Variants in SLC24A2 observed in about 807,000 individuals in gnomAD.
SLC24A2 encodes the protein sodium/potassium/calcium exchanger 2.
In SLC24A2, 36 loss-of-function variants were observed where a neutral mutation model predicts 62.0. That is an observed-to-expected ratio of 0.58 (90% confidence interval 0.44 to 0.77). The LOEUF (loss-of-function observed/expected upper bound fraction) is 0.77. Among genes scored for constraint, SLC24A2 ranks in the 30% least tolerant of loss-of-function variants. The pLI, the probability that SLC24A2 is intolerant of heterozygous loss-of-function variation, is 0.00. For missense variants in SLC24A2, 846 were observed against 817.9 expected, an observed-to-expected ratio of 1.03 and a Z score of -0.42; for synonymous variants, 358 against 294.0, an observed-to-expected ratio of 1.22 and a Z score of -2.23.
the SLC24A2 span, among the ~76,000 whole-genome samples, chr9:20,068,531 A>C: frequency 6.6e-6 from 1 of 152,116 alleles, no homozygotes; most frequent in Non-Finnish European, 1.5e-5. Context: ...GCCTTAAACA[A>C]AACTCTAAAA....
chr9:19,764,841 C>T (rs1307191984), intron 2 of SLC24A2, among the ~76,000 whole-genome samples: 2 of 152,070 alleles, frequency 1.3e-5, no homozygotes, highest in East Asian at 3.9e-4. Context: ...GAGATCAAGT[C>T]CTGAATATCT....
At chr9:20,264,201 C>T in the SLC24A2 span, among the ~76,000 whole-genome samples, 1 of 152,152 alleles carries the variant, frequency 6.6e-6, no homozygotes, top group East Asian at 1.9e-4. Context: ...AATGTCAGTT[C>T]TGACACAACC....
At chr9:19,616,509 A>C (rs1338983949) in intron 4 of SLC24A2, among the ~76,000 whole-genome samples, 1 of 152,188 alleles carries the variant, frequency 6.6e-6, no homozygotes, top group Non-Finnish European at 1.5e-5. Flanking sequence ...GCCCAAAATA[A>C]ACATACTCAG....
At chr9:20,293,179 C>T in the SLC24A2 span, among the ~76,000 whole-genome samples, 2 of 152,168 alleles carry the variant, frequency 1.3e-5, no homozygotes, top group Non-Finnish European at 1.5e-5. Flanking sequence ...ATAATTACAT[C>T]GACACCAACT....
chr9:19,622,188 G>A (rs987486832), intron 3 of SLC24A2, 73 bp downstream of exon 3: 28 of 1,273,534 alleles, frequency 2.2e-5, no homozygotes, highest in Middle Eastern at 1.8e-4. Context: ...ACACAAACCC[G>A]TCTCACTCCC....
intron 2 of SLC24A2, among the ~76,000 whole-genome samples, chr9:19,777,286 A>C (rs983148253): frequency 6.6e-6 from 1 of 152,234 alleles, no homozygotes; most frequent in African/African-American, 2.4e-5. Context: ...AAAGCAATGC[A>C]CATTTAAAAC....
the SLC24A2 span, among the ~76,000 whole-genome samples, chr9:20,003,657 T>A: frequency 7.2e-3 from 1,092 of 152,264 alleles, 14 homozygotes; most frequent in African/African-American, 0.025. Flanking sequence ...AGGCAGTAAA[T>A]ACTTTATGCT....
intron 5 of SLC24A2, among the ~76,000 whole-genome samples, chr9:19,583,942 T>G (rs975505607): frequency 2.4e-4 from 36 of 152,110 alleles, no homozygotes; most frequent in African/African-American, 8.7e-4. Flanking sequence ...AAGGCCTAAC[T>G]CAATGTCCAA....
intron 2 of SLC24A2, among the ~76,000 whole-genome samples, chr9:19,667,564 C>T (rs1587124643): frequency 6.6e-6 from 1 of 152,238 alleles, no homozygotes; most frequent in African/African-American, 2.4e-5. Context: ...GTCTTCTAGC[C>T]TCTAGTCTTG....
chr9:19,873,641 G>A, the SLC24A2 span, among the ~76,000 whole-genome samples: 1 of 149,196 alleles, frequency 6.7e-6, no homozygotes, highest in Admixed American at 6.8e-5. Context: ...TAGAGACAGG[G>A]TCTCATATTC....
chr9:19,621,109 C>G (rs1028611289), intron 3 of SLC24A2, among the ~76,000 whole-genome samples: 4 of 152,242 alleles, frequency 2.6e-5, no homozygotes, highest in African/African-American at 9.6e-5. Flanking sequence ...TGTTTCCAAA[C>G]TATTATCCAT....
the SLC24A2 span, among the ~76,000 whole-genome samples, chr9:20,019,395 T>C: frequency 1.3e-5 from 2 of 152,322 alleles, no homozygotes; most frequent in East Asian, 3.9e-4. Flanking sequence ...GTTTTCTGCA[T>C]ATGGTTTGCC....
intron 2 of SLC24A2, among the ~76,000 whole-genome samples, chr9:19,682,119 A>G (rs2118399130): frequency 6.6e-6 from 1 of 152,258 alleles, no homozygotes; most frequent in Admixed American, 6.5e-5. Flanking sequence ...TCTGAAACTC[A>G]TTATCTTGCA....
chr9:20,266,764 C>A, the SLC24A2 span, among the ~76,000 whole-genome samples: 1 of 152,150 alleles, frequency 6.6e-6, no homozygotes, highest in Non-Finnish European at 1.5e-5. Flanking sequence ...AAAGTGGAGA[C>A]ACTGAGCAGT....
rs369541478 is a variant in SLC24A2 at position 19,603,961 on chromosome 9, T to C, written c.1079-6682A>G. On this transcript the variant is annotated intron_variant, in intron 4 of 10. Coordinates refer to ENST00000341998, the MANE Select transcript of SLC24A2 (RefSeq NM_020344.4). ...GTGTGTCTGTTCCAACTATACACTT[T>C]TGTTGTTGTGCTCATCTTATCAAAT... Among the ~76,000 whole-genome samples, 4 of 152,356 alleles carry C rather than the reference T, an allele frequency of 2.6e-5. No homozygotes were observed. The East Asian group carries it at 5.8e-4, about 22-fold the overall frequency.
chr9:20,012,560 TA>T, the SLC24A2 span, among the ~76,000 whole-genome samples: 41,965 of 151,862 alleles, frequency 0.28, 6,558 homozygotes, highest in East Asian at 0.57. Flanking sequence ...AGAGAAACAA[TA>T]AAAGGCAACA....
chr9:20,202,050 G>GGTGTGTGTGTGTGT, the SLC24A2 span, among the ~76,000 whole-genome samples: 63 of 141,780 alleles, frequency 4.4e-4, 2 homozygotes, highest in Admixed American at 1.9e-3. Flanking sequence ...CCCATTTCAT[G>GGTGTGTGTGTGTGT]GTGTGTGTGT....
chr9:20,242,902 T>A, the SLC24A2 span, among the ~76,000 whole-genome samples: 1 of 152,196 alleles, frequency 6.6e-6, no homozygotes, highest in Non-Finnish European at 1.5e-5. Flanking sequence ...CAGCCTGTTC[T>A]TCAGCCTTTG....
At chr9:20,063,049 G>A in the SLC24A2 span, among the ~76,000 whole-genome samples, 1 of 116,946 alleles carries the variant, frequency 8.6e-6, no homozygotes, top group Non-Finnish European at 1.7e-5. Context: ...TGGTGGGACT[G>A]TAAACTAGTT....
Sources: allele counts gnomAD v4.1 joint callset (sites outside exome capture counted in the v4.1 genomes callset), GRCh38; gene constraint gnomAD v4.1.1; transcripts MANE v1.5; gene names NCBI Gene and HGNC (gene_info 2026-07-23, HGNC 2026-07-21).